Variants in PRKN observed in about 807,000 individuals in gnomAD.
The protein encoded by PRKN is parkin RBR E3 ubiquitin protein ligase.
A neutral mutation model predicts 59.5 loss-of-function variants in PRKN; 56 were observed. The ratio of observed to expected loss-of-function variants is 0.94; its 90% CI spans 0.76 to 1.18. The LOEUF is 1.18. Among genes scored for constraint, PRKN ranks in the 50% most tolerant of loss-of-function variants. The pLI is 0.00. For synonymous variants in PRKN, 250 were observed against 222.1 expected (o/e 1.13, Z -1.12); for missense variants, 657 against 596.4 (o/e 1.10, Z -1.06).
rs1003856965 is a variant in PRKN, at chr6:162,433,111, G to A, written c.171+10199C>T. On this transcript the variant is annotated intron_variant, in intron 2 of 11. Transcript: ENST00000366898. ...ATAAATCGTGGGATGAATTTACTGC[G>A]CATTACAAATAAAATGTTTATATTT... Among the ~76,000 whole-genome samples, 7 of 152,202 alleles carry A rather than the reference G, an allele frequency of 4.6e-5. No individual in the cohort carries two copies. The South Asian group carries it at 8.3e-4, about 18-fold the overall frequency.
At chr6:162,216,173 T>C (rs1175979321) in intron 3 of PRKN, among the ~76,000 whole-genome samples, 2 of 152,154 alleles carry the variant, frequency 1.3e-5, no homozygotes, top group African/African-American at 2.4e-5. Flanking sequence ...CCATCTTCAC[T>C]TTCTAACTAG....
At chr6:162,364,962 CCTCTCTCTCT>C (rs537201683) in intron 2 of PRKN, among the ~76,000 whole-genome samples, 4 of 143,876 alleles carry the variant, frequency 2.8e-5, no homozygotes, top group African/African-American at 1.0e-4. Flanking sequence ...CTCTCTTCTC[CCTCTCTCTCT>C]CTCTCTCTTT....
At chr6:161,541,498 CA>C (rs2115409985) in intron 9 of PRKN, among the ~76,000 whole-genome samples, 1 of 152,282 alleles carries the variant, frequency 6.6e-6, no homozygotes, top group African/African-American at 2.4e-5. Flanking sequence ...ACACATTATT[CA>C]AAAAGATGGA....
At chr6:162,516,605 A>G (rs1043637682) in intron 1 of PRKN, among the ~76,000 whole-genome samples, 31 of 152,012 alleles carry the variant, frequency 2.0e-4, no homozygotes, top group Non-Finnish European at 2.8e-4. Flanking sequence ...TACAAAAATT[A>G]GCTGAGCATG....
At chr6:162,140,946 G>A (rs1781752903) in intron 4 of PRKN, among the ~76,000 whole-genome samples, 1 of 152,034 alleles carries the variant, frequency 6.6e-6, no homozygotes. Flanking sequence ...GGCTAACACG[G>A]TGAAACCCCG....
chr6:162,638,905 C>A (rs1349926484), intron 1 of PRKN, among the ~76,000 whole-genome samples: 1 of 151,974 alleles, frequency 6.6e-6, no homozygotes, highest in African/African-American at 2.4e-5. Flanking sequence ...CCACCACACC[C>A]AGCTAATTTT....
chr6:161,640,858 A>G (rs1424685952), intron 7 of PRKN, among the ~76,000 whole-genome samples: 2 of 152,242 alleles, frequency 1.3e-5, no homozygotes, highest in Non-Finnish European at 2.9e-5. Context: ...GGATGGAAAT[A>G]AAGTTTAAAG....
intron 6 of PRKN, among the ~76,000 whole-genome samples, chr6:161,909,706 G>T (rs554276647): frequency 6.1e-4 from 93 of 152,302 alleles, no homozygotes; most frequent in African/African-American, 2.2e-3. Context: ...CCTAAAAGCA[G>T]GTTTTACCCT....
chr6:161,721,764 C>T (rs1349228127), intron 7 of PRKN, among the ~76,000 whole-genome samples: 3 of 152,066 alleles, frequency 2.0e-5, no homozygotes, highest in Non-Finnish European at 4.4e-5. Context: ...GTCATGGTGT[C>T]ACCCCTACTC....
chr6:161,946,458 A>G (rs1395374874), intron 6 of PRKN, among the ~76,000 whole-genome samples: 1 of 147,440 alleles, frequency 6.8e-6, no homozygotes, highest in Non-Finnish European at 1.5e-5. Flanking sequence ...TCTCAATACA[A>G]AAGAGACAGC....
Position 161,583,700 on chromosome 6 carries a change from G to C in PRKN, c.872-14284C>G, listed in dbSNP as rs577453040. Reference sequence around the variant, plus strand: ...ACATCAATACACATAGGATATTAAGGATGTTGCATCATACTATGCATGACA... The same window carrying C: ...ACATCAATACACATAGGATATTAAGCATGTTGCATCATACTATGCATGACA... On this transcript the variant is annotated intron_variant, in intron 7 of 11. Coordinates refer to ENST00000366898, the MANE Select transcript of PRKN (RefSeq NM_004562.3). Among the ~76,000 whole-genome samples, 12 of 152,124 alleles carry C rather than the reference G, an allele frequency of 7.9e-5. No individual in the cohort carries two copies. In the South Asian group the frequency reaches 2.3e-3, roughly 29 times the overall value.
At chr6:162,379,613 A>G (rs904075449) in intron 2 of PRKN, among the ~76,000 whole-genome samples, 1 of 152,074 alleles carries the variant, frequency 6.6e-6, no homozygotes, top group East Asian at 1.9e-4. Flanking sequence ...CTGAGCCTCA[A>G]TGCCTTTCCC....
intron 1 of PRKN, among the ~76,000 whole-genome samples, chr6:162,486,503 T>C (rs1440844689): frequency 6.6e-6 from 1 of 152,168 alleles, no homozygotes; most frequent in Non-Finnish European, 1.5e-5. Flanking sequence ...CAATAATGCA[T>C]CTGTGAATAT....
chr6:162,519,910 C>G (rs542754709), intron 1 of PRKN, among the ~76,000 whole-genome samples: 1 of 152,108 alleles, frequency 6.6e-6, no homozygotes, highest in African/African-American at 2.4e-5. Context: ...TTCTGTGAAT[C>G]AATAAAATAA....
Position 161,462,923 on chromosome 6 carries a change from C to T in PRKN, c.1084-76046G>A, listed in dbSNP as rs1790287677. 6.6e-6 allele frequency among the ~76,000 whole-genome samples: 1 copy of T among 152,018 alleles called. No homozygotes were observed. Among genetic ancestry groups the T allele is most frequent in the Non-Finnish European group, 1.5e-5 (1 of 68,030 alleles). ...CTCAGTTTTTTTGTTTGGTAGAGCA[C>T]TTAGTATTAACAAGGCACTACAGTA... is the stretch of plus-strand genomic sequence containing the variant. On this transcript the variant is annotated intron_variant, in intron 9 of 11. Coordinates refer to ENST00000366898, the MANE Select transcript of PRKN (RefSeq NM_004562.3). The surrounding 1 kb of genome is among the most constrained non-coding windows in gnomAD (Gnocchi z 4.5).
chr6:161,593,302 T>C lies in PRKN; in HGVS notation c.872-23886A>G, dbSNP rs1157135716. On this transcript the variant is annotated intron_variant, in intron 7 of 11. Coordinates refer to ENST00000366898, the MANE Select transcript of PRKN (RefSeq NM_004562.3). The surrounding 1 kb of genome is among the most constrained non-coding windows in gnomAD (Gnocchi z 4.8). ...TGCTTTGAGTGTGAGGGCAGGGCTATTGATATTTTCATTATCCCCATTTAA... is the reference window on the plus strand; with the variant it reads ...TGCTTTGAGTGTGAGGGCAGGGCTACTGATATTTTCATTATCCCCATTTAA... Among the ~76,000 whole-genome samples the C allele has an allele frequency of 6.6e-6, 1 of 152,206 alleles. No individual in the cohort carries two copies. Among genetic ancestry groups the C allele is most frequent in the Non-Finnish European group, 1.5e-5 (1 of 68,034 alleles).
In PRKN at chr6:161,454,467, C is replaced by G. The variant is rs1376949306; in HGVS notation, c.1084-67590G>C. On this transcript the variant is annotated intron_variant, in intron 9 of 11. Coordinates refer to ENST00000366898, the MANE Select transcript of PRKN (RefSeq NM_004562.3). This position sits in a 1 kb window ranked among gnomAD's most constrained non-coding sequence, Gnocchi z 4.6. ...CAGGCAGGAGGAACAGCAGTTCATT[C>G]GTGGTCTTGAGTCCAGGTTCCAGGT... 6.6e-6 allele frequency among the ~76,000 whole-genome samples: 1 copy of G among 152,184 alleles called. No homozygotes were observed. The highest frequency in any genetic ancestry group is 2.4e-5 in the African/African-American group (1 of 41,440).
chr6:162,507,149 A>G (rs1235516231), intron 1 of PRKN, among the ~76,000 whole-genome samples: 1 of 152,146 alleles, frequency 6.6e-6, no homozygotes, highest in African/African-American at 2.4e-5. Context: ...ATTTCCATCC[A>G]TTCCTCTTTC....
At chr6:162,464,781 A>T (rs895807790) in intron 1 of PRKN, among the ~76,000 whole-genome samples, 5 of 151,756 alleles carry the variant, frequency 3.3e-5, no homozygotes, top group Admixed American at 3.3e-4. Flanking sequence ...GTGAGCCGAG[A>T]TCGCGCCACT....
Sources: gnomAD v4.1 joint callset for allele counts (sites outside exome capture counted in the v4.1 genomes callset) on GRCh38, gnomAD v4.1.1 for gene constraint, Gnocchi (gnomAD v3.1) non-coding constraint, MANE v1.5 for transcripts, NCBI Gene and HGNC (gene_info 2026-07-23, HGNC 2026-07-21) for gene names.